Variants in IRAK1BP1 observed in about 807,000 individuals in gnomAD.
The protein encoded by IRAK1BP1 is interleukin 1 receptor associated kinase 1 binding protein 1.
A neutral mutation model predicts 28.0 loss-of-function variants in IRAK1BP1; 24 were observed. The ratio of observed to expected loss-of-function variants is 0.86; its 90% confidence interval spans 0.62 to 1.20. The LOEUF is 1.20. IRAK1BP1 is among the 50% of genes most tolerant of loss of function. IRAK1BP1 has a pLI of 0.00. For synonymous variants in IRAK1BP1, 131 were observed against 116.3 expected, an observed-to-expected ratio of 1.13 and a Z score of -0.81; for missense variants, 336 against 316.7, an observed-to-expected ratio of 1.06 and a Z score of -0.46.
chr6:78,876,720 G>A (rs1771017023), intron 1 of IRAK1BP1, among the ~76,000 whole-genome samples: 1 of 152,122 alleles, frequency 6.6e-6, no homozygotes, highest in Non-Finnish European at 1.5e-5. Context: ...GCAGGTCCAT[G>A]TCTGAGGAAC....
chr6:78,918,865 C>T (rs1772642762), intron 4 of IRAK1BP1, among the ~76,000 whole-genome samples: 2 of 152,150 alleles, frequency 1.3e-5, no homozygotes, highest in Non-Finnish European at 2.9e-5. Flanking sequence ...GTAATAGGCA[C>T]TACAGAATAC....
In IRAK1BP1 at chr6:78,897,762, A is replaced by C; in HGVS notation, c.382-67A>C. The C allele has an allele frequency of 3.5e-6, 5 of 1,412,470 alleles. No individual in the cohort carries two copies. In the South Asian group the frequency reaches 5.4e-5, roughly 15 times the overall value. 87.5% of individuals were successfully genotyped at this position (1,412,470 alleles called of 1,614,324 possible). A position where few individuals can be genotyped will look rare whatever the true frequency, so the allele number is the denominator to read the frequency against. ...TAGTCTGGCTATACTTTTTTTACTT[A>C]CATGTAGAGAAAATCTTGAAACAGT... On this transcript the variant is annotated intron_variant, in intron 2 of 3. Coordinates refer to ENST00000369940, the MANE Select transcript of IRAK1BP1 (RefSeq NM_001010844.4).
intron 2 of IRAK1BP1, among the ~76,000 whole-genome samples, chr6:78,888,353 T>A (rs914778965): frequency 6.6e-6 from 1 of 151,826 alleles, no homozygotes; most frequent in Non-Finnish European, 1.5e-5. Context: ...GTTGTTATCA[T>A]ACACATACAC....
At chr6:78,886,319 G>C (rs1450676072) in intron 2 of IRAK1BP1, among the ~76,000 whole-genome samples, 2 of 152,102 alleles carry the variant, frequency 1.3e-5, no homozygotes, top group Admixed American at 1.3e-4. Flanking sequence ...TATCTCTTGA[G>C]AAGCAACTTC....
chr6:78,934,381 G>A (rs1773184623), intron 4 of IRAK1BP1, among the ~76,000 whole-genome samples: 1 of 152,268 alleles, frequency 6.6e-6, no homozygotes, highest in Admixed American at 6.5e-5. Context: ...ATGGTTACCA[G>A]TTATCTGCAA....
the IRAK1BP1 span, chr6:78,961,740 A>T: frequency 6.2e-7 from 1 of 1,612,556 alleles, no homozygotes. Flanking sequence ...GATCCGTTGG[A>T]TATGCCACTA....
At chr6:78,951,953 G>C in the IRAK1BP1 span, among the ~76,000 whole-genome samples, 1 of 152,190 alleles carries the variant, frequency 6.6e-6, no homozygotes. Flanking sequence ...CATCAGTAAA[G>C]TGAGTGGCTT....
intron 4 of IRAK1BP1, among the ~76,000 whole-genome samples, chr6:78,910,439 G>A (rs531171642): frequency 1.2e-4 from 18 of 152,290 alleles, no homozygotes; most frequent in Non-Finnish European, 2.5e-4. Context: ...CAGAATCCCC[G>A]AAGAGTAAAC....
rs767139190 is a variant in IRAK1BP1, at chr6:78,867,706, A to G, written c.130A>G (p.Thr44Ala). Residue 44 changes from threonine (T) to alanine (A), a missense_variant, in exon 1 of 4, where the codon ACA becomes GCA. Coordinates refer to ENST00000369940, the MANE Select transcript of IRAK1BP1 (RefSeq NM_001010844.4). Reference sequence around the variant, plus strand: ...GGGCTTACGCCACCCCCTCTCCTCAACACAAGCCCAAACTGCTACCCGCGA... The same window carrying G: ...GGGCTTACGCCACCCCCTCTCCTCAGCACAAGCCCAAACTGCTACCCGCGA... The part of the protein sequence containing the change: ...LPGLRHPLSS[T>A]QAQTATREVQ... The G allele has an allele frequency of 1.2e-6, 2 of 1,614,202 alleles. No individual in the cohort carries two copies. The highest frequency in any genetic ancestry group is 1.7e-6 in the Non-Finnish European group (2 of 1,180,038).
chr6:78,957,433 T>A, the IRAK1BP1 span: 4 of 151,844 alleles, frequency 2.6e-5, no homozygotes, highest in Non-Finnish European at 2.9e-5. Flanking sequence ...GAGAATAAGG[T>A]AGAGAAAGGG....
chr6:78,929,294 T>A, intron 4 of IRAK1BP1, among the ~76,000 whole-genome samples: 1 of 152,110 alleles, frequency 6.6e-6, no homozygotes, highest in East Asian at 1.9e-4. Context: ...TAAACCTAGG[T>A]GCCCATCAAA....
chr6:78,906,271 G>A (rs1353568761), downstream of IRAK1BP1, among the ~76,000 whole-genome samples: 1 of 151,858 alleles, frequency 6.6e-6, no homozygotes, highest in Non-Finnish European at 1.5e-5. Flanking sequence ...ACATTTATTG[G>A]GAAATGGCAG....
At chr6:78,893,314 G>GTATA (rs60728695) in intron 2 of IRAK1BP1, among the ~76,000 whole-genome samples, 3,147 of 103,116 alleles carry the variant, frequency 0.031, 123 homozygotes, top group East Asian at 0.053. Flanking sequence ...GTGTGTGTGT[G>GTATA]TATATATATA....
At chr6:78,948,754 A>G (rs1223264288), downstream of IRAK1BP1, among the ~76,000 whole-genome samples, 2 of 152,200 alleles carry the variant, frequency 1.3e-5, no homozygotes, top group Non-Finnish European at 2.9e-5. Context: ...TTGACCTCCC[A>G]AAGTGCTGGG....
the IRAK1BP1 span, among the ~76,000 whole-genome samples, chr6:78,966,265 GT>G: frequency 8.5e-5 from 13 of 152,234 alleles, no homozygotes; most frequent in East Asian, 2.5e-3. Flanking sequence ...TGACTTAACA[GT>G]TTTCAATTCT....
At chr6:78,886,036 TGATTCCAAACATTTTGGAGTACGTGCCTA>T (rs1256042461) in intron 2 of IRAK1BP1, among the ~76,000 whole-genome samples, 2 of 152,198 alleles carry the variant, frequency 1.3e-5, no homozygotes, top group Non-Finnish European at 2.9e-5. Context: ...CTGCTGTTTC[TGATTCCAAACATTTTGGAGTACGTGCCTA>T]GTACGTGCCA....
At chr6:78,926,068 A>G (rs930589814) in intron 4 of IRAK1BP1, among the ~76,000 whole-genome samples, 19 of 152,244 alleles carry the variant, frequency 1.2e-4, no homozygotes, top group African/African-American at 4.1e-4. Context: ...GAAGATCAAA[A>G]AATGCTCAAT....
At position 78,872,001 on chromosome 6, in the gene IRAK1BP1, T is replaced by C; in HGVS notation, c.315+4110T>C. 5.0e-6 allele frequency: 3 copies of C among 599,962 alleles called. No homozygotes were observed. In the South Asian group the frequency reaches 6.0e-5, roughly 12 times the overall value. The allele number at this position is 599,962 out of a possible 1,614,324, so 37.2% of individuals were successfully genotyped here. ...CTCTGCAAATGGGGCCAGAGTGTAA[T>C]GCCAGGGAATTAAAGTCCTCTCCCC... On this transcript the variant is annotated intron_variant, in intron 1 of 3. Coordinates refer to ENST00000369940, the MANE Select transcript of IRAK1BP1 (RefSeq NM_001010844.4).
intron 2 of IRAK1BP1, among the ~76,000 whole-genome samples, chr6:78,896,004 T>G (rs990750118): frequency 6.6e-6 from 1 of 152,064 alleles, no homozygotes; most frequent in Admixed American, 6.6e-5. Flanking sequence ...ATCAAAAAAT[T>G]TAAAATACAT....
Sources: allele counts gnomAD v4.1 joint callset (sites outside exome capture counted in the v4.1 genomes callset), GRCh38; gene constraint gnomAD v4.1.1; transcripts MANE v1.5; gene names NCBI Gene and HGNC (gene_info 2026-07-23, HGNC 2026-07-21).